PIEZO1: variants seen among roughly 807,000 people sequenced by gnomAD.
The protein encoded by PIEZO1 is piezo type mechanosensitive ion channel component 1 (Er blood group).
PIEZO1 carries 296 observed loss-of-function variants against 297.2 expected under a neutral mutation model. The ratio of observed to expected loss-of-function variants is 1.00; its 90% confidence interval spans 0.91 to 1.10. The LOEUF is 1.10. PIEZO1 is among the 50% of genes least tolerant of loss of function. The pLI, the probability that PIEZO1 is intolerant of heterozygous loss-of-function variation, is 0.00. For missense variants in PIEZO1, 5,018 were observed against 3,455.5 expected (o/e 1.45, Z -11.34); for synonymous variants, 2,427 against 1,507.5 (o/e 1.61, Z -14.13).
Position 88,735,156 on chromosome 16 carries a change from C to T in PIEZO1, c.1648G>A (p.Glu550Lys). 6.5e-7 allele frequency: 1 copy of T among 1,550,304 alleles called. No homozygotes were observed. The highest frequency in any genetic ancestry group is 8.7e-7 in the Non-Finnish European group (1 of 1,146,874). ...KWAESPAALTEVTVADTEPTR... is the reference protein window; with the variant it reads ...KWAESPAALTKVTVADTEPTR... Reference sequence around the variant, plus strand: ...TCACCTGTGTCTGCCACGGTGACCTCCGTCAGCGCAGCTGGAGACTCTGCC... The same window carrying T: ...TCACCTGTGTCTGCCACGGTGACCTTCGTCAGCGCAGCTGGAGACTCTGCC... The change falls in exon 13 of 51, where the codon GAG (glutamate) becomes AAG (lysine). Residue 550 changes from glutamate to lysine, a missense_variant. Coordinates refer to ENST00000301015, the MANE Select transcript of PIEZO1 (RefSeq NM_001142864.4).
At chr16:88,784,851 C>G in intron 1 of PIEZO1, 50 bp downstream of exon 1, 1 of 1,300,118 alleles carries the variant, frequency 7.7e-7, no homozygotes, top group Non-Finnish European at 1.0e-6. Flanking sequence ...CCGTGGGGAG[C>G]CGAGACGCAG....
intron 1 of PIEZO1, among the ~76,000 whole-genome samples, chr16:88,762,001 AG>A (rs1356654902): frequency 6.6e-6 from 1 of 152,196 alleles, no homozygotes; most frequent in African/African-American, 2.4e-5. Flanking sequence ...CTCTCCAGAA[AG>A]GGAGGAAACC....
In PIEZO1 at chr16:88,732,413, G is replaced by A. The variant is rs1428436172; in HGVS notation, c.2913C>T (p.Thr971=). 3.2e-6 allele frequency: 5 copies of A among 1,549,806 alleles called. No homozygotes were observed. In the South Asian group the frequency reaches 5.9e-5, roughly 18 times the overall value. Residue 971 remains threonine (T), a synonymous_variant, in exon 21 of 51, where the codon ACC becomes ACT. Coordinates refer to ENST00000301015, the MANE Select transcript of PIEZO1 (RefSeq NM_001142864.4). ...GCAGATCCTGGTCCAGCTGCTGGCG[G>A]GTGCCGCTGGCAAACACGGCCTGGG... is the stretch of plus-strand genomic sequence containing the variant. ...LPAQAVFASG[T]RQQLDQDLLG... is the part of the protein sequence containing the mutation.
At chr16:88,772,086 C>T (rs932312184) in intron 1 of PIEZO1, among the ~76,000 whole-genome samples, 1 of 150,604 alleles carries the variant, frequency 6.6e-6, no homozygotes, top group African/African-American at 2.5e-5. Flanking sequence ...TGCCTGTCCA[C>T]CCGCGGCCCC....
In PIEZO1 at chr16:88,736,159, G is replaced by A. The variant is rs139386696; in HGVS notation, c.1546C>T (p.Leu516Phe). 1.1e-5 allele frequency: 17 copies of A among 1,545,926 alleles called. No homozygotes were observed. Among genetic ancestry groups the A allele is most frequent in the Non-Finnish European group, 1.4e-5 (16 of 1,144,698 alleles). ...LEHTRYPCLD[L>F]GAMLLYTLTF... ...TGGTGCACACTCACCATGGCACCAA[G>A]GTCCAGACAGGGGTAGCGGGTGTGC... The change falls in exon 12 of 51, where the codon CTT (leucine) becomes TTT (phenylalanine). Residue 516 changes from leucine to phenylalanine, a missense_variant. Coordinates refer to ENST00000301015, the MANE Select transcript of PIEZO1 (RefSeq NM_001142864.4).
chr16:88,777,693 G>A (rs937145212), intron 1 of PIEZO1, among the ~76,000 whole-genome samples: 11 of 152,234 alleles, frequency 7.2e-5, no homozygotes, highest in African/African-American at 1.4e-4. Context: ...ATGAGGGAGC[G>A]AGGGCCGCGT....
At chr16:88,756,705 T>C (rs1380334892) in intron 1 of PIEZO1, among the ~76,000 whole-genome samples, 2 of 151,542 alleles carry the variant, frequency 1.3e-5, no homozygotes, top group African/African-American at 4.9e-5. Context: ...GAGGTGGAGG[T>C]TGCAGTGAGC....
In PIEZO1 at chr16:88,733,981, CCTCCTCCTGCTGCTGCTGCTGATG is replaced by C. The variant is rs765577709; in HGVS notation, c.2230_2253del (p.His744_Glu751del). On this transcript the variant is annotated inframe_deletion, in exon 17 of 51. Coordinates refer to ENST00000301015, the MANE Select transcript of PIEZO1 (RefSeq NM_001142864.4). ...TCCCTGGAGTCCTCCTCCTCCTCCTCCTCCTCCTGCTGCTGCTGCTGATGCTCCTGCTGCTCCTCCCGCAGCAGT... is the reference window on the plus strand; with the variant it reads ...TCCCTGGAGTCCTCCTCCTCCTCCTCCTCCTGCTGCTCCTCCCGCAGCAGT... The C allele has an allele frequency of 1.7e-4, 260 of 1,546,888 alleles. No homozygotes were observed. The highest frequency in any genetic ancestry group is 2.0e-4 in the Non-Finnish European group (227 of 1,144,394).
At chr16:88,773,118 G>C (rs1907500482) in intron 1 of PIEZO1, among the ~76,000 whole-genome samples, 1 of 152,264 alleles carries the variant, frequency 6.6e-6, no homozygotes, top group African/African-American at 2.4e-5. Flanking sequence ...TCTGTCACCA[G>C]CGGCTCCAGC....
At chr16:88,769,074 G>T (rs1907305566) in intron 1 of PIEZO1, among the ~76,000 whole-genome samples, 2 of 152,192 alleles carry the variant, frequency 1.3e-5, no homozygotes, top group South Asian at 4.1e-4. Context: ...CATCCAAAGG[G>T]GCCAGAAGTA....
intron 2 of PIEZO1, among the ~76,000 whole-genome samples, chr16:88,749,109 G>A (rs187215917): frequency 0.014 from 2,057 of 151,478 alleles, 38 homozygotes; most frequent in African/African-American, 0.042. Flanking sequence ...GCGTGGTGGC[G>A]GGCGCCTGTA....
intron 1 of PIEZO1, among the ~76,000 whole-genome samples, chr16:88,774,242 G>C (rs1907556434): frequency 6.6e-6 from 1 of 152,168 alleles, no homozygotes; most frequent in Admixed American, 6.5e-5. Flanking sequence ...ATATAAACTA[G>C]AGGTCCAGCC....
intron 1 of PIEZO1, among the ~76,000 whole-genome samples, chr16:88,778,201 C>A (rs1238289049): frequency 6.6e-6 from 1 of 152,218 alleles, no homozygotes; most frequent in Non-Finnish European, 1.5e-5. Flanking sequence ...CCCGAGCCCC[C>A]TTCCTGCTTT....
chr16:88,749,586 C>A, intron 1 of PIEZO1, 107 bp from the exon 2 acceptor site: 3 of 831,574 alleles, frequency 3.6e-6, no homozygotes, highest in Non-Finnish European at 5.6e-6. Context: ...AGGCCGTGTG[C>A]CCTGTGAGTG....
Position 88,721,812 on chromosome 16 carries a change from G to C in PIEZO1, c.5210C>G (p.Thr1737Ser). The C allele has an allele frequency of 1.3e-6, 2 of 1,544,684 alleles. No individual in the cohort carries two copies. The change falls in exon 37 of 51, where the codon ACC (threonine) becomes AGC (serine). Residue 1737 changes from threonine to serine, a missense_variant. By Grantham distance (58) the Thr-to-Ser change is moderately conservative. Coordinates refer to ENST00000301015, the MANE Select transcript of PIEZO1 (RefSeq NM_001142864.4). ...KRFWMTAIVF[T>S]EIAVVVKYLF... is the part of the protein sequence containing the mutation. ...TCCCCCGCGGCCTCGGCCCACCTCG[G>C]TGAAGACGATGGCCGTCATCCAGAA...
chr16:88,783,686 C>A (rs1908036067), intron 1 of PIEZO1, among the ~76,000 whole-genome samples: 1 of 152,216 alleles, frequency 6.6e-6, no homozygotes. Flanking sequence ...CCAGTCCACA[C>A]AGGGCTGACC....
At chr16:88,754,306 G>A (rs1233808454) in intron 1 of PIEZO1, among the ~76,000 whole-genome samples, 2 of 152,076 alleles carry the variant, frequency 1.3e-5, no homozygotes, top group African/African-American at 2.4e-5. Flanking sequence ...GGCCAGGAAA[G>A]CCACAAATGC....
At chr16:88,732,294 G>C (rs1483323645) in intron 21 of PIEZO1, 41 bp downstream of exon 21, 2 of 1,511,354 alleles carry the variant, frequency 1.3e-6, no homozygotes, top group South Asian at 1.2e-5. Flanking sequence ...CCTCCCGAAG[G>C]CCAAGCCCTG....
intron 19 of PIEZO1, 193 bp from the exon 20 acceptor site, chr16:88,732,925 G>C: frequency 1.6e-6 from 1 of 616,790 alleles, no homozygotes. Flanking sequence ...CCACGGGCAG[G>C]GGCTGGGGGA....
Sources: allele counts gnomAD v4.1 joint callset (sites outside exome capture counted in the v4.1 genomes callset), GRCh38; gene constraint gnomAD v4.1.1; transcripts MANE v1.5; gene names NCBI Gene and HGNC (gene_info 2026-07-23, HGNC 2026-07-21).